The following CNKSR2 variants were observed in gnomAD, a reference collection of about 807,000 sequenced individuals.
CNKSR2 encodes connector enhancer of kinase suppressor of Ras 2.
In CNKSR2, 14 loss-of-function variants were observed where a neutral mutation model predicts 84.4. That is an observed-to-expected ratio of 0.17 (90% CI 0.11 to 0.26). The LOEUF (loss-of-function observed/expected upper bound fraction) is 0.26. Ranked by LOEUF, CNKSR2 falls within the 10% of genes least tolerant of loss-of-function variation. The pLI is 1.00. For synonymous variants in CNKSR2, 275 were observed against 277.9 expected (o/e 0.99, Z 0.10); for missense variants, 485 against 771.2 (o/e 0.63, Z 4.40).
chrX:21,500,896 T>A (rs1265909412), intron 7 of CNKSR2, among the ~76,000 whole-genome samples: 1 of 111,734 alleles, frequency 8.9e-6, no homozygotes. Context: ...TAGCATGTTA[T>A]GTAATATGAT....
At chrX:21,484,959 G>A (rs1167680645) in intron 5 of CNKSR2, among the ~76,000 whole-genome samples, 1 of 111,354 alleles carries the variant, frequency 9.0e-6, no homozygotes, top group East Asian at 2.8e-4. Context: ...CAAGGCAGGC[G>A]AATCATGAGG....
At chrX:21,452,744 C>T (rs1287471319) in intron 4 of CNKSR2, among the ~76,000 whole-genome samples, 1 of 102,446 alleles carries the variant, frequency 9.8e-6, no homozygotes, top group African/African-American at 3.8e-5. Context: ...AGCCATTTTA[C>T]AAGCATGACT....
At chrX:21,481,149 C>T (rs1339353602) in intron 5 of CNKSR2, among the ~76,000 whole-genome samples, 2 of 111,723 alleles carry the variant, frequency 1.8e-5, no homozygotes, top group Non-Finnish European at 1.9e-5. Context: ...ATATAGTAAG[C>T]TTTCAATAAA....
chrX:21,426,784 C>A, intron 2 of CNKSR2, 124 bp downstream of exon 2: 1 of 711,539 alleles, frequency 1.4e-6, no homozygotes, highest in Non-Finnish European at 2.0e-6. Context: ...TGATTCTCAA[C>A]CAGCTGGACC....
At chrX:21,489,331 A>T (rs2091419310) in intron 5 of CNKSR2, among the ~76,000 whole-genome samples, 1 of 111,969 alleles carries the variant, frequency 8.9e-6, no homozygotes, top group Non-Finnish European at 1.9e-5. Context: ...ATTTTGGGTT[A>T]ACACTGTCTA....
chrX:21,417,386 T>G (rs377484214), intron 1 of CNKSR2, among the ~76,000 whole-genome samples: 1 of 112,016 alleles, frequency 8.9e-6, no homozygotes, highest in South Asian at 3.7e-4. Context: ...ATGCGTATTC[T>G]GCAGTCTTTG....
intron 2 of CNKSR2, chrX:21,427,867 G>A (rs1365172112): frequency 8.9e-6 from 1 of 112,041 alleles, no homozygotes; most frequent in Non-Finnish European, 1.9e-5. Flanking sequence ...AGGGATTCAG[G>A]AAGTGTAGGT....
intron 19 of CNKSR2, among the ~76,000 whole-genome samples, chrX:21,608,336 C>G (rs767622885): frequency 3.6e-5 from 4 of 111,465 alleles, no homozygotes; most frequent in Non-Finnish European, 7.5e-5. Context: ...GTAGAGGTGC[C>G]TGCAACTATT....
chrX:21,511,189 C>G (rs1396978543), intron 8 of CNKSR2, among the ~76,000 whole-genome samples: 1 of 110,882 alleles, frequency 9.0e-6, no homozygotes, highest in African/African-American at 3.3e-5. Flanking sequence ...GACTTTAGGT[C>G]TGGAGTATTC....
At chrX:21,391,845 C>CAGTTTCAT (rs1249748465) in intron 1 of CNKSR2, among the ~76,000 whole-genome samples, 2 of 111,762 alleles carry the variant, frequency 1.8e-5, no homozygotes, top group African/African-American at 6.5e-5. Context: ...ATATAAGTTC[C>CAGTTTCAT]AGTTTCATAC....
At chrX:21,477,622 A>G (rs1022711136) in intron 5 of CNKSR2, among the ~76,000 whole-genome samples, 12 of 111,640 alleles carry the variant, frequency 1.1e-4, no homozygotes, top group African/African-American at 3.9e-4. Flanking sequence ...CTTAAACTGC[A>G]TAGAGCCAAC....
rs74314224 is a variant in CNKSR2 at position 21,635,378 on chromosome X, ATGTGTGTGTGTG to A, written c.2693-13433_2693-13422del. Among the ~76,000 whole-genome samples, 292 of 94,722 alleles carry A rather than the reference ATGTGTGTGTGTG, an allele frequency of 3.1e-3. 2 individuals carry two copies. Among genetic ancestry groups the A allele is most frequent in the Middle Eastern group, 5.2e-3 (1 of 193 alleles). The allele number at this position is 94,722 out of a possible 115,157, so 82.3% of individuals were successfully genotyped here. A position where few individuals can be genotyped will look rare whatever the true frequency, so the allele number is the denominator to read the frequency against. On this transcript the variant is annotated intron_variant, in intron 20 of 21. Coordinates refer to ENST00000379510, the MANE Select transcript of CNKSR2 (RefSeq NM_014927.5). Reference sequence around the variant, plus strand: ...CAGTCTGAAATTTGATCTAAAATAAATGTGTGTGTGTGTGTGTGTGTGTGTGTGTGTATATAT... The same window carrying A: ...CAGTCTGAAATTTGATCTAAAATAAATGTGTGTGTGTGTGTGTGTATATAT...
chrX:21,539,502 GT>G (rs11437274), intron 11 of CNKSR2, among the ~76,000 whole-genome samples: 2 of 108,998 alleles, frequency 1.8e-5, no homozygotes, highest in East Asian at 2.8e-4. Flanking sequence ...ATTTCATACA[GT>G]TTTTTTTTCC....
intron 13 of CNKSR2, among the ~76,000 whole-genome samples, chrX:21,580,884 C>T (rs775553210): frequency 1.8e-5 from 2 of 111,667 alleles, no homozygotes; most frequent in East Asian, 2.8e-4. Context: ...TCTCTGACAC[C>T]TAAATTTCAA....
intron 8 of CNKSR2, among the ~76,000 whole-genome samples, chrX:21,508,415 G>A (rs1157483811): frequency 8.9e-6 from 1 of 111,946 alleles, no homozygotes; most frequent in East Asian, 2.8e-4. Flanking sequence ...TATGATCAGA[G>A]GTTTACATTA....
At chrX:21,422,430 C>T (rs1337659296) in intron 1 of CNKSR2, 1 of 111,999 alleles carries the variant, frequency 8.9e-6, no homozygotes, top group Non-Finnish European at 1.9e-5. Flanking sequence ...GCCCCTGATG[C>T]TCTTTCCTAC....
intron 11 of CNKSR2, chrX:21,537,882 A>T (rs1191786351): frequency 1.9e-5 from 2 of 107,476 alleles, no homozygotes; most frequent in African/African-American, 6.8e-5. Context: ...CTGATAGGTG[A>T]GGAATTACTC....
chrX:21,625,948 A>T (rs1436872023), intron 20 of CNKSR2, among the ~76,000 whole-genome samples: 4 of 112,143 alleles, frequency 3.6e-5, no homozygotes, highest in African/African-American at 1.3e-4. Flanking sequence ...ATATTTATGG[A>T]GGCAACACAG....
At chrX:21,601,881 G>C (rs2092484296) in intron 18 of CNKSR2, among the ~76,000 whole-genome samples, 1 of 112,128 alleles carries the variant, frequency 8.9e-6, no homozygotes, top group African/African-American at 3.2e-5. Context: ...AAGAACAAAA[G>C]CTGTGGTCAT....
Sources: allele counts gnomAD v4.1 joint callset (sites outside exome capture counted in the v4.1 genomes callset), GRCh38; gene constraint gnomAD v4.1.1; transcripts MANE v1.5; gene names NCBI Gene and HGNC (gene_info 2026-07-23, HGNC 2026-07-21).